Variants in PPP1R9A observed in about 807,000 individuals in gnomAD.
PPP1R9A encodes the protein protein phosphatase 1 regulatory subunit 9A.
In PPP1R9A, 59 loss-of-function variants were observed where a neutral mutation model predicts 141.9. That is an observed-to-expected ratio of 0.42 (90% CI 0.34 to 0.52). The LOEUF is 0.52. Ranked by LOEUF, PPP1R9A falls within the 20% of genes least tolerant of loss-of-function variation. PPP1R9A has a pLI of 0.10. For missense variants in PPP1R9A, 1,444 were observed against 1,611.9 expected, an observed-to-expected ratio of 0.90 and a Z score of 1.78; for synonymous variants, 500 against 569.7, an observed-to-expected ratio of 0.88 and a Z score of 1.74.
intron 8 of PPP1R9A, among the ~76,000 whole-genome samples, chr7:95,246,444 T>G (rs1299705119): frequency 5.9e-5 from 9 of 152,180 alleles, no homozygotes; most frequent in African/African-American, 2.2e-4. Flanking sequence ...TCAAACTAAT[T>G]TAGTGGTACA....
chr7:95,280,841 G>A (rs1474102468), intron 16 of PPP1R9A, among the ~76,000 whole-genome samples: 1 of 152,162 alleles, frequency 6.6e-6, no homozygotes, highest in Non-Finnish European at 1.5e-5. Context: ...GAAGAAGAAA[G>A]GGAGGGAGGA....
At chr7:95,269,593 G>T in intron 14 of PPP1R9A, 86 bp downstream of exon 14, 1 of 1,062,284 alleles carries the variant, frequency 9.4e-7, no homozygotes, top group East Asian at 2.8e-5. Flanking sequence ...TAAGTCATTT[G>T]TTTTCTCATA....
At chr7:95,003,498 C>A (rs1306935169) in intron 2 of PPP1R9A, among the ~76,000 whole-genome samples, 1 of 152,072 alleles carries the variant, frequency 6.6e-6, no homozygotes, top group East Asian at 1.9e-4. Context: ...AGGGGATGCT[C>A]CTTTATTCTG....
At chr7:95,085,165 A>G (rs1345350438) in intron 2 of PPP1R9A, among the ~76,000 whole-genome samples, 10 of 151,708 alleles carry the variant, frequency 6.6e-5, no homozygotes, top group Non-Finnish European at 1.3e-4. Flanking sequence ...GTGTTTATTA[A>G]CCATTAGATT....
At chr7:94,912,987 C>T (rs1014654179) in intron 2 of PPP1R9A, among the ~76,000 whole-genome samples, 4 of 152,090 alleles carry the variant, frequency 2.6e-5, no homozygotes, top group Admixed American at 6.6e-5. Context: ...CTTTGCCATT[C>T]GCATCCCCCT....
At chr7:95,011,709 A>G (rs1287101470) in intron 2 of PPP1R9A, among the ~76,000 whole-genome samples, 1 of 152,186 alleles carries the variant, frequency 6.6e-6, no homozygotes, top group Non-Finnish European at 1.5e-5. Flanking sequence ...GTTTGGATGA[A>G]TCAGCACTGG....
chr7:94,950,796 G>C (rs1234908582), intron 2 of PPP1R9A, among the ~76,000 whole-genome samples: 2 of 152,078 alleles, frequency 1.3e-5, no homozygotes, highest in Non-Finnish European at 2.9e-5. Context: ...ACCCAGGCTG[G>C]AATGTAGTGG....
rs777033555 is a variant in PPP1R9A, at chr7:95,269,397, C to T, written c.3014C>T (p.Ser1005Phe). The change falls in exon 14 of 20, where the codon TCC (serine) becomes TTC (phenylalanine). Residue 1005 changes from serine (S) to phenylalanine (F), a missense_variant. Ser to Phe is a radical substitution (Grantham distance 155). Around this residue, in one of 5 missense-constraint regions of PPP1R9A, gnomAD observed 459 missense variants for 513.8 expected, o/e 0.89. Transcript: ENST00000433360. ...EPLDPEMGPL[S>F]SMWGDTSLFS... Reference sequence around the variant, plus strand: ...CTGGACCCAGAAATGGGGCCTCTCTCCTCTATGTGGGGAGACACTTCACTG... The same window carrying T: ...CTGGACCCAGAAATGGGGCCTCTCTTCTCTATGTGGGGAGACACTTCACTG... 5.0e-6 allele frequency: 8 copies of T among 1,597,464 alleles called. No homozygotes were observed. In the East Asian group the frequency reaches 1.3e-4, roughly 27 times the overall value.
At chr7:95,180,823 A>AC (rs1833634316) in intron 5 of PPP1R9A, among the ~76,000 whole-genome samples, 1 of 152,176 alleles carries the variant, frequency 6.6e-6, no homozygotes, top group Non-Finnish European at 1.5e-5. Context: ...ACAGTGTGAT[A>AC]CCACCTTACT....
At chr7:95,067,608 A>AT (rs11400639) in intron 2 of PPP1R9A, among the ~76,000 whole-genome samples, 3,719 of 152,314 alleles carry the variant, frequency 0.024, 167 homozygotes, top group African/African-American at 0.085. Flanking sequence ...TATGATAATA[A>AT]TAACACAGTC....
intron 5 of PPP1R9A, among the ~76,000 whole-genome samples, chr7:95,162,474 T>C (rs956981603): frequency 1.3e-5 from 2 of 152,238 alleles, no homozygotes; most frequent in East Asian, 1.9e-4. Flanking sequence ...GGGTGCATTT[T>C]TTTTGGACCT....
intron 2 of PPP1R9A, chr7:95,035,903 G>A (rs750745383): frequency 2.0e-5 from 3 of 152,106 alleles, no homozygotes; most frequent in Non-Finnish European, 4.4e-5. Flanking sequence ...GTGGAGACTT[G>A]CCTGAATGCT....
At chr7:95,122,134 A>G (rs1822728516) in intron 4 of PPP1R9A, among the ~76,000 whole-genome samples, 1 of 150,442 alleles carries the variant, frequency 6.6e-6, no homozygotes, top group South Asian at 2.1e-4. Context: ...CTGTGAGGAG[A>G]CCCAGAGCAC....
chr7:94,919,400 C>T lies in PPP1R9A; in HGVS notation c.1395+7892C>T, dbSNP rs540798785. Among the ~76,000 whole-genome samples the T allele has an allele frequency of 4.0e-5, 6 of 150,238 alleles. No homozygotes were observed. The South Asian group carries it at 1.3e-3, about 32-fold the overall frequency. On this transcript the variant is annotated intron_variant, in intron 2 of 19. Coordinates refer to ENST00000433360, the MANE Select transcript of PPP1R9A (RefSeq NM_001166160.2). Reference sequence around the variant, plus strand: ...GCTCAAGTGACCCTCTTGCCTCACCCTCCCAAAATGCTGGGATTGTAGGTG... The same window carrying T: ...GCTCAAGTGACCCTCTTGCCTCACCTTCCCAAAATGCTGGGATTGTAGGTG...
chr7:95,196,355 C>T (rs1054537950), intron 5 of PPP1R9A, among the ~76,000 whole-genome samples: 7 of 152,070 alleles, frequency 4.6e-5, no homozygotes, highest in African/African-American at 1.7e-4. Flanking sequence ...GCAACTACAG[C>T]TTTTATGCAT....
intron 2 of PPP1R9A, among the ~76,000 whole-genome samples, chr7:94,990,329 C>G (rs1238770230): frequency 6.6e-6 from 1 of 152,100 alleles, no homozygotes; most frequent in Non-Finnish European, 1.5e-5. Flanking sequence ...CCAAGGTTGT[C>G]TTAAGCACTA....
intron 12 of PPP1R9A, among the ~76,000 whole-genome samples, chr7:95,257,627 T>C (rs1455663083): frequency 1.3e-5 from 2 of 152,060 alleles, no homozygotes; most frequent in African/African-American, 4.8e-5. Context: ...TAACTCGTCA[T>C]TTAACATTAG....
chr7:95,136,794 CAT>C (rs1825740286), intron 4 of PPP1R9A, among the ~76,000 whole-genome samples: 1 of 152,022 alleles, frequency 6.6e-6, no homozygotes, highest in Admixed American at 6.6e-5. Flanking sequence ...ATTAGGAAAA[CAT>C]ATTTATTGCT....
At chr7:95,125,441 T>C (rs1823391830) in intron 4 of PPP1R9A, among the ~76,000 whole-genome samples, 1 of 152,210 alleles carries the variant, frequency 6.6e-6, no homozygotes, top group African/African-American at 2.4e-5. Flanking sequence ...TTAAATACAT[T>C]GACTATTAGT....
Sources: allele counts gnomAD v4.1 joint callset (sites outside exome capture counted in the v4.1 genomes callset), GRCh38; gene constraint gnomAD v4.1.1; regional missense constraint gnomAD v4.1.1; transcripts MANE v1.5; gene names NCBI Gene and HGNC (gene_info 2026-07-23, HGNC 2026-07-21).